Variants in CHD6 observed in about 807,000 individuals in gnomAD.
CHD6 encodes chromodomain helicase DNA binding protein 6, also known as ATP-dependent chromatin remodeler CHD6.
Under a neutral mutation model 276.9 loss-of-function variants are expected in CHD6, and 50 were observed. The ratio of observed to expected loss-of-function variants is 0.18; its 90% CI spans 0.14 to 0.23. The LOEUF (loss-of-function observed/expected upper bound fraction) is 0.23. Ranked by LOEUF, CHD6 falls within the 10% of genes least tolerant of loss-of-function variation. CHD6 has a pLI of 1.00. For missense variants in CHD6, 2,564 were observed against 3,365.8 expected (o/e 0.76, Z 5.89); for synonymous variants, 1,173 against 1,229.3 (o/e 0.95, Z 0.96).
intron 17 of CHD6, among the ~76,000 whole-genome samples, chr20:41,459,018 A>AT (rs2048462522): frequency 6.6e-6 from 1 of 152,128 alleles, no homozygotes; most frequent in African/African-American, 2.4e-5. Context: ...GGAGTCCAGA[A>AT]TTGCAAGCAA....
chr20:41,594,751 G>T (rs2045700244), intron 1 of CHD6, among the ~76,000 whole-genome samples: 1 of 152,172 alleles, frequency 6.6e-6, no homozygotes. Context: ...GTAATGGACA[G>T]CCTCTCCCTT....
intron 17 of CHD6, among the ~76,000 whole-genome samples, chr20:41,460,777 G>C (rs2048522505): frequency 6.6e-6 from 1 of 152,136 alleles, no homozygotes; most frequent in African/African-American, 2.4e-5. Context: ...TGTGGGGTCG[G>C]AGCCCCCACA....
chr20:41,442,844 G>C (rs983210460), intron 25 of CHD6, among the ~76,000 whole-genome samples: 6 of 152,160 alleles, frequency 3.9e-5, no homozygotes, highest in African/African-American at 1.4e-4. Flanking sequence ...TGCCAAAGAG[G>C]ATGGGCCCAT....
intron 27 of CHD6, among the ~76,000 whole-genome samples, chr20:41,428,366 T>C (rs2047431220): frequency 6.6e-6 from 1 of 152,222 alleles, no homozygotes; most frequent in Non-Finnish European, 1.5e-5. Flanking sequence ...GTCCTGAGCA[T>C]GCAGAGGCCC....
At chr20:41,576,795 C>A (rs1007400584) in intron 1 of CHD6, among the ~76,000 whole-genome samples, 1 of 152,220 alleles carries the variant, frequency 6.6e-6, no homozygotes, top group African/African-American at 2.4e-5. Flanking sequence ...TCAATAACAT[C>A]CAACTATTCA....
At chr20:41,447,829 G>T in intron 24 of CHD6, 53 bp downstream of exon 24, 1 of 1,338,500 alleles carries the variant, frequency 7.5e-7, no homozygotes, top group Non-Finnish European at 1.1e-6. Flanking sequence ...TCCATGAATA[G>T]GCATTTTATG....
intron 17 of CHD6, among the ~76,000 whole-genome samples, chr20:41,471,686 C>T (rs1002064156): frequency 2.6e-5 from 4 of 151,914 alleles, no homozygotes; most frequent in African/African-American, 7.2e-5. Context: ...CAGGCACCCA[C>T]CACGCCTGGC....
At chr20:41,479,137 T>A (rs564896349) in intron 16 of CHD6, among the ~76,000 whole-genome samples, 1 of 151,632 alleles carries the variant, frequency 6.6e-6, no homozygotes, top group African/African-American at 2.4e-5. Context: ...TGAAGACAGA[T>A]AAAAGAGAGA....
At chr20:41,585,338 C>T (rs1329573845) in intron 1 of CHD6, among the ~76,000 whole-genome samples, 1 of 151,796 alleles carries the variant, frequency 6.6e-6, no homozygotes, top group Non-Finnish European at 1.5e-5. Flanking sequence ...ACCGTCTTTA[C>T]TAAAAATACA....
At chr20:41,527,959 G>A (rs2044585007) in intron 3 of CHD6, among the ~76,000 whole-genome samples, 1 of 152,162 alleles carries the variant, frequency 6.6e-6, no homozygotes, top group Admixed American at 6.5e-5. Flanking sequence ...CACAGGATGA[G>A]GAGCTGCACA....
At chr20:41,511,152 T>C (rs2044108362) in intron 5 of CHD6, among the ~76,000 whole-genome samples, 1 of 152,164 alleles carries the variant, frequency 6.6e-6, no homozygotes, top group Admixed American at 6.5e-5. Context: ...TATATGAAAA[T>C]GCTTTAAGTT....
intron 36 of CHD6, among the ~76,000 whole-genome samples, chr20:41,410,237 G>A (rs1278119673): frequency 6.6e-6 from 1 of 152,182 alleles, no homozygotes; most frequent in Non-Finnish European, 1.5e-5. Context: ...ACGGTGATTA[G>A]GTCATAGGGG....
chr20:41,600,682 C>T (rs184704421), intron 1 of CHD6, among the ~76,000 whole-genome samples: 82 of 152,264 alleles, frequency 5.4e-4, no homozygotes, highest in African/African-American at 1.4e-3. Context: ...TGTGACTGAA[C>T]GCCTAAATAC....
At chr20:41,498,306 A>G (rs982451478) in intron 6 of CHD6, 80 bp from the exon 7 acceptor site, 3 of 936,436 alleles carry the variant, frequency 3.2e-6, no homozygotes, top group Non-Finnish European at 5.0e-6. Context: ...CAGGTAATCA[A>G]TATCTCTGCC....
chr20:41,417,342 T>C lies in CHD6; in HGVS notation c.6135A>G (p.Pro2045=), dbSNP rs770407420. 10 of 1,611,890 alleles carry C rather than the reference T, an allele frequency of 6.2e-6. No individual in the cohort carries two copies. In the South Asian group the frequency reaches 9.9e-5, roughly 16 times the overall value. The change falls in exon 32 of 37, where the codon CCA becomes CCG. Residue 2045 remains proline, a synonymous_variant. Coordinates refer to ENST00000373233, the MANE Select transcript of CHD6 (RefSeq NM_032221.5). Reference sequence around the variant, plus strand: ...TGCTCTCCTCTTCAGAGTACTTCCCTGGATAATCTGGGAAGAGGTTAAAAA... The same window carrying C: ...TGCTCTCCTCTTCAGAGTACTTCCCCGGATAATCTGGGAAGAGGTTAAAAA... ...RDGNCHSQDY[P]GKYSEEESKS... is the part of the protein sequence containing the mutation.
At position 41,404,850 on chromosome 20, in the gene CHD6, C is replaced by G. The variant is rs762243573; in HGVS notation, c.7891G>C (p.Gly2631Arg). The G allele has an allele frequency of 6.2e-7, 1 of 1,614,064 alleles. No homozygotes were observed. The highest frequency in any genetic ancestry group is 8.5e-7 in the Non-Finnish European group (1 of 1,180,018). ...ATGGCTGGCAGAGCCATGCCCATAC[C>G]AGGGGAGAGGAACATGGATGGGTAA... Reference protein sequence around the residue: ...LIYPSMFLSPGMGMALPAMQQ... With the variant: ...LIYPSMFLSPRMGMALPAMQQ... The change falls in exon 37 of 37, where the codon GGT becomes CGT. Residue 2631 changes from glycine (G) to arginine (R), a missense_variant. By Grantham distance (125) the Gly-to-Arg change is moderately radical. This residue lies in a region of CHD6 where 238 missense variants were observed against 266.0 expected (regional missense o/e 0.89). Transcript: ENST00000373233.
At chr20:41,420,246 G>A (rs897056419) in intron 31 of CHD6, among the ~76,000 whole-genome samples, 2 of 152,196 alleles carry the variant, frequency 1.3e-5, no homozygotes, top group Non-Finnish European at 2.9e-5. Context: ...TCTATTGAAT[G>A]AAAACACACA....
chr20:41,571,292 TAAG>T (rs1299535740), intron 1 of CHD6, among the ~76,000 whole-genome samples: 1 of 151,970 alleles, frequency 6.6e-6, no homozygotes, highest in African/African-American at 2.4e-5. Context: ...AAAGTCTTGG[TAAG>T]AAGAATGACA....
intron 36 of CHD6, 53 bp from the exon 37 acceptor site, chr20:41,405,542 C>A: frequency 7.1e-7 from 1 of 1,410,216 alleles, no homozygotes; most frequent in South Asian, 1.4e-5. Context: ...GGCAGGTGGT[C>A]AGCTGAGGGT....
Sources: gnomAD v4.1 joint callset for allele counts (sites outside exome capture counted in the v4.1 genomes callset) on GRCh38, gnomAD v4.1.1 for gene constraint, gnomAD v4.1.1 regional missense constraint, MANE v1.5 for transcripts, NCBI Gene and HGNC (gene_info 2026-07-23, HGNC 2026-07-21) for gene names.